The following ARHGEF17 variants were observed in gnomAD, a reference collection of about 807,000 sequenced individuals.
ARHGEF17 encodes the protein Rho guanine nucleotide exchange factor 17.
Under a neutral mutation model 174.0 loss-of-function variants are expected in ARHGEF17, and 80 were observed. The ratio of observed to expected loss-of-function variants is 0.46; its 90% CI spans 0.38 to 0.55. ARHGEF17 has a LOEUF of 0.55. Among genes scored for constraint, ARHGEF17 ranks in the 20% least tolerant of loss-of-function variants. The pLI is 0.00. For missense variants in ARHGEF17, 2,886 were observed against 2,839.7 expected, an observed-to-expected ratio of 1.02 and a Z score of -0.37; for synonymous variants, 1,311 against 1,189.1, an observed-to-expected ratio of 1.10 and a Z score of -2.11.
rs541560548 is a variant in ARHGEF17 at position 73,308,495 on chromosome 11, CCT to C, written c.-141_-140del. On this transcript the variant is annotated 5_prime_UTR_variant, in exon 1 of 21. Coordinates refer to ENST00000263674, the MANE Select transcript of ARHGEF17 (RefSeq NM_014786.4). ...AGAAACTTGAGCCGCGGCAGAGAAACCTCTGCTCCGGTCTCTGCGTCCTCTTC... is the reference window on the plus strand; with the variant it reads ...AGAAACTTGAGCCGCGGCAGAGAAACCTGCTCCGGTCTCTGCGTCCTCTTC... 174 of 730,812 alleles carry C rather than the reference CCT, an allele frequency of 2.4e-4. 2 individuals carry two copies. The African/African-American group carries it at 2.8e-3, about 12-fold the overall frequency. 45.3% of individuals were successfully genotyped at this position (730,812 alleles called of 1,614,324 possible). A position where few individuals can be genotyped will look rare whatever the true frequency, so the allele number is the denominator to read the frequency against.
intron 1 of ARHGEF17, among the ~76,000 whole-genome samples, chr11:73,315,530 C>T (rs1864914346): frequency 6.6e-6 from 1 of 152,128 alleles, no homozygotes; most frequent in African/African-American, 2.4e-5. Context: ...CCCTCCTTGG[C>T]TCTTTGTGTG....
At chr11:73,339,343 A>G (rs1865333782) in intron 1 of ARHGEF17, among the ~76,000 whole-genome samples, 1 of 152,226 alleles carries the variant, frequency 6.6e-6, no homozygotes, top group Non-Finnish European at 1.5e-5. Context: ...TAAACCATGT[A>G]TCTGTGGATT....
chr11:73,365,740 T>C lies in ARHGEF17; in HGVS notation c.5788T>C (p.Cys1930Arg). 1 of 1,613,748 alleles carries C rather than the reference T, an allele frequency of 6.2e-7. No individual in the cohort carries two copies. Among genetic ancestry groups the C allele is most frequent in the Non-Finnish European group, 8.5e-7 (1 of 1,180,042 alleles). ...ACLRITALLV[C>R]EELLWVGTSA... is the part of the protein sequence containing the mutation. ...TCTGCGAATCACAGCGCTGCTGGTGTGTGAGGAGCTGCTGTGGGTGGGCAC... is the reference window on the plus strand; with the variant it reads ...TCTGCGAATCACAGCGCTGCTGGTGCGTGAGGAGCTGCTGTGGGTGGGCAC... The change falls in exon 20 of 21, where the codon TGT becomes CGT. Residue 1930 changes from cysteine to arginine, a missense_variant. Cys to Arg is a radical substitution (Grantham distance 180). Coordinates refer to ENST00000263674, the MANE Select transcript of ARHGEF17 (RefSeq NM_014786.4). The surrounding 1 kb of genome is among the most constrained non-coding windows in gnomAD (Gnocchi z 4.9).
intron 7 of ARHGEF17, 51 bp from the exon 8 acceptor site, chr11:73,356,974 G>T (rs1269244280): frequency 1.3e-6 from 2 of 1,587,704 alleles, no homozygotes; most frequent in Admixed American, 1.7e-5. Flanking sequence ...GCAGGGGGGT[G>T]GGCTTCTGGA....
chr11:73,315,864 C>T (rs1172991256), intron 1 of ARHGEF17, among the ~76,000 whole-genome samples: 5 of 152,138 alleles, frequency 3.3e-5, no homozygotes, highest in South Asian at 2.1e-4. Context: ...GTTTGGGAGG[C>T]GGAGAGGCTG....
Position 73,310,676 on chromosome 11 carries a change from C to T in ARHGEF17, c.2038C>T (p.His680Tyr). ...PLSSSSAQTN[H>Y]HGPGTEDSLG... The stretch of plus-strand genomic sequence containing the variant: ...TTCCTCATCCTCGGCCCAGACGAAC[C>T]ACCATGGCCCTGGGACTGAGGACAG... Residue 680 changes from histidine to tyrosine, a missense_variant, in exon 1 of 21, where the codon CAC (histidine) becomes TAC (tyrosine). By Grantham distance (83) the His-to-Tyr change is moderately conservative. This residue lies in a region of ARHGEF17 where 1,728 missense variants were observed against 1,461.2 expected (regional missense o/e 1.18). Transcript: ENST00000263674. 2 of 1,613,910 alleles carry T rather than the reference C, an allele frequency of 1.2e-6. No individual in the cohort carries two copies. The highest frequency in any genetic ancestry group is 1.7e-6 in the Non-Finnish European group (2 of 1,180,016).
chr11:73,355,253 C>A (rs1865617087), intron 3 of ARHGEF17, among the ~76,000 whole-genome samples: 1 of 152,190 alleles, frequency 6.6e-6, no homozygotes, highest in Admixed American at 6.5e-5. Context: ...AGTGAGAGAA[C>A]CAGGTCTGAG....
rs554470373 is a variant in ARHGEF17 at position 73,311,361 on chromosome 11, A to G, written c.2723A>G (p.Lys908Arg). The change falls in exon 1 of 21, where the codon AAG becomes AGG. Residue 908 changes from lysine to arginine, a missense_variant. Transcript: ENST00000263674. ...TAHRNFHLDP[K>R]LADILSPRLI... ...CACCGAAACTTTCACCTTGACCCCA[A>G]GCTGGCTGACATTCTGTCCCCGAGG... 40 of 1,613,330 alleles carry G rather than the reference A, an allele frequency of 2.5e-5. No homozygotes were observed. Among genetic ancestry groups the G allele is most frequent in the Non-Finnish European group, 3.2e-5 (38 of 1,180,026 alleles).
At chr11:73,350,143 T>C (rs1018087894) in intron 2 of ARHGEF17, among the ~76,000 whole-genome samples, 6 of 152,260 alleles carry the variant, frequency 3.9e-5, no homozygotes, top group Non-Finnish European at 7.3e-5. Context: ...AAAAGTTGCA[T>C]TTAATCTTTG....
intron 1 of ARHGEF17, among the ~76,000 whole-genome samples, chr11:73,338,372 T>C (rs1009106856): frequency 6.6e-6 from 1 of 152,158 alleles, no homozygotes; most frequent in Non-Finnish European, 1.5e-5. Context: ...AAAGTCCCTC[T>C]TTTGGAACTT....
In ARHGEF17 at chr11:73,316,884, A is replaced by G. The variant is rs112040604; in HGVS notation, c.3192+5054A>G. Among the ~76,000 whole-genome samples, 42 of 152,318 alleles carry G rather than the reference A, an allele frequency of 2.8e-4. No individual in the cohort carries two copies. The East Asian group carries it at 5.8e-3, about 21-fold the overall frequency. ...AGGTGGAGGCTGTGAGGCCAGTCAGAAGGCTGCTGGAATAATCTGGACAAG... is the reference window on the plus strand; with the variant it reads ...AGGTGGAGGCTGTGAGGCCAGTCAGGAGGCTGCTGGAATAATCTGGACAAG... On this transcript the variant is annotated intron_variant, in intron 1 of 20. Coordinates refer to ENST00000263674, the MANE Select transcript of ARHGEF17 (RefSeq NM_014786.4).
chr11:73,310,799 GA>G lies in ARHGEF17; in HGVS notation c.2163del (p.Glu721AspfsTer2). On this transcript the variant is annotated frameshift_variant, in exon 1 of 21. Coordinates refer to ENST00000263674, the MANE Select transcript of ARHGEF17 (RefSeq NM_014786.4). LOFTEE classifies it high-confidence loss of function. ...CCCACCTTCAGGTTCTGGTGGGAGCGAATTGAGCAATGGGGAGGCAGGGGAG... is the reference window on the plus strand; with the variant it reads ...CCCACCTTCAGGTTCTGGTGGGAGCGATTGAGCAATGGGGAGGCAGGGGAG... ...KVPPSGSGGS[E>X]LSNGEAGEAY... 1 of 1,612,156 alleles carries G rather than the reference GA, an allele frequency of 6.2e-7. No individual in the cohort carries two copies. The highest frequency in any genetic ancestry group is 8.5e-7 in the Non-Finnish European group (1 of 1,179,660).
chr11:73,316,803 CTT>C (rs1864935691), intron 1 of ARHGEF17, among the ~76,000 whole-genome samples: 1 of 152,218 alleles, frequency 6.6e-6, no homozygotes, highest in Non-Finnish European at 1.5e-5. Flanking sequence ...CCTGGTCTGA[CTT>C]AAGCATTCAC....
intron 9 of ARHGEF17, 38 bp from the exon 10 acceptor site, chr11:73,359,796 T>C: frequency 6.6e-7 from 1 of 1,506,750 alleles, no homozygotes; most frequent in African/African-American, 1.4e-5. Flanking sequence ...ACCTTGTCTG[T>C]CTCTGTATCA....
intron 1 of ARHGEF17, among the ~76,000 whole-genome samples, chr11:73,327,953 G>A (rs1211708613): frequency 1.3e-5 from 2 of 152,136 alleles, no homozygotes; most frequent in Non-Finnish European, 2.9e-5. Flanking sequence ...TCCCTCTGTG[G>A]CTCAGTTTAT....
rs1864802213 is a variant in ARHGEF17 at position 73,310,463 on chromosome 11, C to G, written c.1825C>G (p.Gln609Glu). Residue 609 changes from glutamine (Q) to glutamate (E), a missense_variant, in exon 1 of 21, where the codon CAA becomes GAA. Around this residue, in one of 4 missense-constraint regions of ARHGEF17, gnomAD observed 1,728 missense variants for 1,461.2 expected, o/e 1.18. Coordinates refer to ENST00000263674, the MANE Select transcript of ARHGEF17 (RefSeq NM_014786.4). ...FEKIQRMGAQ[Q>E]DDGSDAPPGS... ...GAAGATCCAGCGCATGGGTGCCCAA[C>G]AAGATGATGGAAGCGATGCCCCCCC... The G allele has an allele frequency of 1.2e-6, 2 of 1,614,012 alleles. No homozygotes were observed. Among genetic ancestry groups the G allele is most frequent in the Non-Finnish European group, 8.5e-7 (1 of 1,180,044 alleles).
At chr11:73,359,482 C>A (rs1016919739) in intron 9 of ARHGEF17, among the ~76,000 whole-genome samples, 2 of 152,218 alleles carry the variant, frequency 1.3e-5, no homozygotes, top group African/African-American at 2.4e-5. Context: ...CCTGCTCTGT[C>A]AGCACGCCCA....
At chr11:73,342,160 GAGCAC>G (rs1865380820) in intron 1 of ARHGEF17, among the ~76,000 whole-genome samples, 3 of 151,162 alleles carry the variant, frequency 2.0e-5, no homozygotes, top group Non-Finnish European at 2.9e-5. Context: ...CTAGGGGTGG[GAGCAC>G]AGTCTAGGGG....
At chr11:73,316,810 A>C (rs528925076) in intron 1 of ARHGEF17, among the ~76,000 whole-genome samples, 470 of 152,338 alleles carry the variant, frequency 3.1e-3, no homozygotes, top group Non-Finnish European at 4.4e-3. Flanking sequence ...TGACTTAAGC[A>C]TTCACAGGTC....
Sources: gnomAD v4.1 joint callset for allele counts (sites outside exome capture counted in the v4.1 genomes callset) on GRCh38, gnomAD v4.1.1 for gene constraint, gnomAD v4.1.1 regional missense constraint, Gnocchi (gnomAD v3.1) non-coding constraint, MANE v1.5 for transcripts, NCBI Gene and HGNC (gene_info 2026-07-23, HGNC 2026-07-21) for gene names.